The following COCH variants were observed in gnomAD, a reference collection of about 807,000 sequenced individuals.
The protein encoded by COCH is coagulation factor C homolog, cochlin (Limulus polyphemus).
In COCH, 40 loss-of-function variants were observed where a neutral mutation model predicts 54.8. That is an observed-to-expected ratio of 0.73 (90% CI 0.57 to 0.95). COCH has a LOEUF of 0.95. COCH is among the 40% of genes least tolerant of loss of function. COCH has a pLI of 0.00. For missense variants in COCH, 605 were observed against 675.0 expected, an observed-to-expected ratio of 0.90 and a Z score of 1.15; for synonymous variants, 256 against 237.9, an observed-to-expected ratio of 1.08 and a Z score of -0.70.
At chr14:30,884,090 A>G (rs28362770) in intron 8 of COCH, among the ~76,000 whole-genome samples, 1 of 152,064 alleles carries the variant, frequency 6.6e-6, no homozygotes, top group African/African-American at 2.4e-5. Context: ...CTGGTGCCCA[A>G]CTCTGCGGAC....
In COCH at chr14:30,877,961, G is replaced by T. The variant is rs1196264790; in HGVS notation, c.239+233G>T. Among the ~76,000 whole-genome samples, 4 of 152,200 alleles carry T rather than the reference G, an allele frequency of 2.6e-5. No individual in the cohort carries two copies. On this transcript the variant is annotated intron_variant, in intron 4 of 11. Coordinates refer to ENST00000396618, the MANE Select transcript of COCH (RefSeq NM_004086.3). This position sits in a 1 kb window ranked among gnomAD's most constrained non-coding sequence, Gnocchi z 8.6. Reference sequence around the variant, plus strand: ...TACCTCTTGATGGCTAGATTGCTATGATTCCAAAACATTCCTAATCATGTG... The same window carrying T: ...TACCTCTTGATGGCTAGATTGCTATTATTCCAAAACATTCCTAATCATGTG...
In COCH at chr14:30,877,782, T is replaced by C; in HGVS notation, c.239+54T>C. On this transcript the variant is annotated intron_variant, in intron 4 of 11. Transcript: ENST00000396618. This position sits in a 1 kb window ranked among gnomAD's most constrained non-coding sequence, Gnocchi z 8.6. ...GAAATGCAGACGTGATTATTTCCTT[T>C]CCTGCTTTACCCATCTGGATCCCTT... 2 of 1,611,300 alleles carry C rather than the reference T, an allele frequency of 1.2e-6. No homozygotes were observed. The highest frequency in any genetic ancestry group is 1.7e-5 in the Admixed American group (1 of 59,916).
rs958517445 is a variant in COCH, at chr14:30,877,457, A to G, written c.83-115A>G. The stretch of plus-strand genomic sequence containing the variant: ...GAAGGGTATATAAGTCAATAGTCAT[A>G]ACTAGAAGTGTAGAAATTAGGGAAG... On this transcript the variant is annotated intron_variant, in intron 3 of 11. Transcript: ENST00000396618. The surrounding 1 kb of genome is among the most constrained non-coding windows in gnomAD (Gnocchi z 8.6). 32 of 1,327,240 alleles carry G rather than the reference A, an allele frequency of 2.4e-5. No homozygotes were observed. In the East Asian group the frequency reaches 3.9e-4, roughly 16 times the overall value. 82.2% of individuals were successfully genotyped at this position (1,327,240 alleles called of 1,614,324 possible). A position where few individuals can be genotyped will look rare whatever the true frequency, so the allele number is the denominator to read the frequency against.
At chr14:30,891,126 TATAAG>T (rs375805931), downstream of COCH, among the ~76,000 whole-genome samples, 23 of 152,242 alleles carry the variant, frequency 1.5e-4, 1 homozygote, top group East Asian at 5.8e-4. Flanking sequence ...GATTAAACAG[TATAAG>T]ATATTTTTGA....
chr14:30,895,602 T>C (rs1293100207), downstream of COCH: 2 of 1,610,152 alleles, frequency 1.2e-6, no homozygotes, highest in Admixed American at 1.7e-5. Flanking sequence ...CAAATAAAAT[T>C]TGTTACTGAG....
At chr14:30,893,448 G>A (rs576351004), downstream of COCH, among the ~76,000 whole-genome samples, 9 of 152,036 alleles carry the variant, frequency 5.9e-5, no homozygotes, top group East Asian at 1.9e-4. Context: ...CACCGCGCCC[G>A]GCCAAAAACC....
At chr14:30,892,288 A>G (rs1460113645), downstream of COCH, among the ~76,000 whole-genome samples, 5 of 152,222 alleles carry the variant, frequency 3.3e-5, no homozygotes, top group African/African-American at 1.2e-4. Context: ...TTCAGTTTTA[A>G]TACATTCCAA....
Position 30,880,655 on chromosome 14 carries a change from CAGA to C in COCH, c.555_557del (p.Lys185del). ...TATTGGGCAGCGCCGATTTAATTTACAGAAGAATTTTGTTGGAAAAGTGGCTCT... is the reference window on the plus strand; with the variant it reads ...TATTGGGCAGCGCCGATTTAATTTACAGAATTTTGTTGGAAAAGTGGCTCT... On this transcript the variant is annotated inframe_deletion, in exon 8 of 12. Transcript: ENST00000396618. 1 of 1,613,976 alleles carries C rather than the reference CAGA, an allele frequency of 6.2e-7. No homozygotes were observed.
At chr14:30,889,416 G>A (rs542403480) in intron 11 of COCH, 200 bp from the exon 12 acceptor site, 4 of 574,478 alleles carry the variant, frequency 7.0e-6, no homozygotes, top group South Asian at 2.0e-5. Context: ...ATATAGCAGA[G>A]TTTCTGGTTT....
chr14:30,881,964 AAAAAAT>A (rs1214982126), intron 8 of COCH, among the ~76,000 whole-genome samples: 31 of 144,912 alleles, frequency 2.1e-4, no homozygotes, highest in African/African-American at 6.0e-4. Context: ...ACTCTGTTTC[AAAAAAT>A]AAAAATAAAA....
intron 8 of COCH, among the ~76,000 whole-genome samples, chr14:30,882,028 A>G (rs960408035): frequency 3.3e-5 from 5 of 150,966 alleles, no homozygotes; most frequent in Non-Finnish European, 7.4e-5. Flanking sequence ...TTAGAAATAG[A>G]ATATGCTCAT....
chr14:30,893,601 C>T (rs758192159), downstream of COCH, among the ~76,000 whole-genome samples: 3 of 152,118 alleles, frequency 2.0e-5, no homozygotes, highest in African/African-American at 7.2e-5. Context: ...GATGTCTAAG[C>T]AAATTACTTA....
At chr14:30,888,186 G>A (rs1384000189) in intron 11 of COCH, among the ~76,000 whole-genome samples, 1 of 151,330 alleles carries the variant, frequency 6.6e-6, no homozygotes, top group Non-Finnish European at 1.5e-5. Flanking sequence ...ATCTGAACTA[G>A]AATGTAGAAC....
chr14:30,894,987 C>T, downstream of COCH: 2 of 793,042 alleles, frequency 2.5e-6, no homozygotes, highest in Non-Finnish European at 3.2e-6. Context: ...AAAAAAGCTA[C>T]TCTTGGAGCT....
rs28400030 is a variant in COCH at position 30,877,802 on chromosome 14, TC to T, written c.239+77del. On this transcript the variant is annotated intron_variant, in intron 4 of 11. Transcript: ENST00000396618. This position sits in a 1 kb window ranked among gnomAD's most constrained non-coding sequence, Gnocchi z 8.6. ...TCCTTTCCTGCTTTACCCATCTGGA[TC>T]CCTTTCCTCCCTGCATTCTTTCTTT... 2.5e-3 allele frequency: 4,034 copies of T among 1,601,118 alleles called. 19 individuals are homozygous for T. Among genetic ancestry groups the T allele is most frequent in the African/African-American group, 0.012 (860 of 73,086 alleles).
chr14:30,891,198 T>C (rs1895973589), downstream of COCH, among the ~76,000 whole-genome samples: 1 of 152,206 alleles, frequency 6.6e-6, no homozygotes, highest in Admixed American at 6.5e-5. Context: ...TTAAAAATGC[T>C]TGTGAAGTTG....
chr14:30,895,267 G>C (rs193097048), downstream of COCH: 59 of 816,768 alleles, frequency 7.2e-5, no homozygotes, highest in Non-Finnish European at 5.5e-6. Flanking sequence ...ATTAAGATGT[G>C]ATTTCCACCA....
chr14:30,885,023 G>A (rs868695125), intron 9 of COCH: 70 of 1,598,230 alleles, frequency 4.4e-5, no homozygotes, highest in Non-Finnish European at 5.9e-5. Flanking sequence ...CGTTGACTCT[G>A]AAGAGAGACT....
intron 10 of COCH, 56 bp from the exon 11 acceptor site, chr14:30,885,740 T>C (rs1895764628): frequency 1.9e-6 from 3 of 1,605,310 alleles, no homozygotes; most frequent in Non-Finnish European, 2.6e-6. Flanking sequence ...TTCCAGTTTT[T>C]AAGAAGAAAC....
Sources: allele counts gnomAD v4.1 joint callset (sites outside exome capture counted in the v4.1 genomes callset), GRCh38; gene constraint gnomAD v4.1.1; non-coding constraint Gnocchi (gnomAD v3.1); transcripts MANE v1.5; gene names NCBI Gene and HGNC (gene_info 2026-07-23, HGNC 2026-07-21).